The following SEMA6D variants were observed in gnomAD, a reference collection of about 807,000 sequenced individuals.
SEMA6D encodes semaphorin 6D.
Under a neutral mutation model 106.6 loss-of-function variants are expected in SEMA6D, and 35 were observed. The observed-to-expected ratio is 0.33, with a 90% CI of 0.25 to 0.44. The LOEUF is 0.44. Ranked by LOEUF, SEMA6D falls within the 20% of genes least tolerant of loss-of-function variation. The probability of loss-of-function intolerance (pLI) is 1.00; values close to 1 mark genes in which losing one functional copy is unlikely to be tolerated. For missense variants in SEMA6D, 1,185 were observed against 1,345.9 expected, an observed-to-expected ratio of 0.88 and a Z score of 1.87; for synonymous variants, 499 against 487.7, an observed-to-expected ratio of 1.02 and a Z score of -0.31.
intron 3 of SEMA6D, among the ~76,000 whole-genome samples, chr15:47,534,539 T>G (rs1385447892): frequency 6.6e-6 from 1 of 152,190 alleles, no homozygotes; most frequent in South Asian, 2.1e-4. Context: ...TAAAATAATT[T>G]TCATTTAAAA....
At chr15:47,657,084 T>G (rs2077812083) in intron 4 of SEMA6D, among the ~76,000 whole-genome samples, 1 of 152,214 alleles carries the variant, frequency 6.6e-6, no homozygotes, top group South Asian at 2.1e-4. Flanking sequence ...ATGCAATCTC[T>G]GTAGTGGATC....
chr15:47,759,962 C>T, intron 2 of SEMA6D, 55 bp downstream of exon 2: 1 of 1,303,752 alleles, frequency 7.7e-7, no homozygotes, highest in Non-Finnish European at 1.1e-6. Context: ...TTCTGTTTTT[C>T]ATTCTGTAAG....
At chr15:47,586,907 T>TTTTA (rs1555394431) in intron 3 of SEMA6D, among the ~76,000 whole-genome samples, 2 of 151,020 alleles carry the variant, frequency 1.3e-5, no homozygotes, top group African/African-American at 4.9e-5. Context: ...TTTTTTTTTT[T>TTTTA]ACAAGACCTG....
intron 4 of SEMA6D, among the ~76,000 whole-genome samples, chr15:47,622,394 G>A (rs910147926): frequency 2.0e-5 from 3 of 152,042 alleles, no homozygotes; most frequent in Non-Finnish European, 4.4e-5. Context: ...GCATGGAACC[G>A]GAGTATGCTA....
intron 4 of SEMA6D, among the ~76,000 whole-genome samples, chr15:47,638,060 A>G (rs1217570749): frequency 3.9e-5 from 6 of 152,198 alleles, no homozygotes; most frequent in Non-Finnish European, 8.8e-5. Context: ...AATTTGGTGC[A>G]GTAACTAGCT....
intron 1 of SEMA6D, among the ~76,000 whole-genome samples, chr15:47,344,209 T>C (rs1382221930): frequency 6.6e-6 from 1 of 152,150 alleles, no homozygotes; most frequent in Non-Finnish European, 1.5e-5. Flanking sequence ...CTTAAAATTA[T>C]TTTAAAAGGA....
intron 3 of SEMA6D, among the ~76,000 whole-genome samples, chr15:47,596,886 T>A (rs1056073650): frequency 2.0e-5 from 3 of 152,060 alleles, no homozygotes; most frequent in Admixed American, 6.6e-5. Context: ...ATTATTTTTT[T>A]AATTTGACCC....
At chr15:47,371,292 T>C (rs563430999) in intron 1 of SEMA6D, among the ~76,000 whole-genome samples, 10 of 151,986 alleles carry the variant, frequency 6.6e-5, no homozygotes, top group African/African-American at 2.4e-4. Flanking sequence ...GGATGACACA[T>C]GTTTAACTCC....
In SEMA6D at chr15:47,763,943, C is replaced by G; in HGVS notation, c.841C>G (p.Arg281Gly). Residue 281 changes from arginine to glycine, a missense_variant, in exon 10 of 19, where the codon CGG (arginine) becomes GGG (glycine). Arg to Gly is a moderately radical substitution (Grantham distance 125). Around this residue, in one of 3 missense-constraint regions of SEMA6D, gnomAD observed 291 missense variants for 423.8 expected, o/e 0.69. Coordinates refer to ENST00000536845, the MANE Select transcript of SEMA6D (RefSeq NM_001358351.3). ...ACACTGGACTTCATTTCTAAAGGCTCGGCTGAACTGTTCTGTCCCTGGAGA... is the reference window on the plus strand; with the variant it reads ...ACACTGGACTTCATTTCTAAAGGCTGGGCTGAACTGTTCTGTCCCTGGAGA... ...EKHWTSFLKA[R>G]LNCSVPGDSF... is the part of the protein sequence containing the mutation. 6.2e-7 allele frequency: 1 copy of G among 1,613,936 alleles called. No homozygotes were observed. The highest frequency in any genetic ancestry group is 2.2e-5 in the East Asian group (1 of 44,864).
At chr15:47,595,408 A>T (rs1416999882) in intron 3 of SEMA6D, among the ~76,000 whole-genome samples, 1 of 152,230 alleles carries the variant, frequency 6.6e-6, no homozygotes, top group Non-Finnish European at 1.5e-5. Context: ...CCATCGTTGC[A>T]TCCCTGGGAT....
intron 1 of SEMA6D, among the ~76,000 whole-genome samples, chr15:47,356,193 G>A (rs1044919712): frequency 6.6e-6 from 1 of 152,126 alleles, no homozygotes; most frequent in Non-Finnish European, 1.5e-5. Context: ...AAAAGAGATG[G>A]CAAGAGACAA....
At chr15:47,337,367 T>A (rs761933648) in intron 1 of SEMA6D, among the ~76,000 whole-genome samples, 2 of 152,190 alleles carry the variant, frequency 1.3e-5, no homozygotes, top group Non-Finnish European at 2.9e-5. Flanking sequence ...GCAGATTCCC[T>A]GGTGGAAAGG....
intron 1 of SEMA6D, among the ~76,000 whole-genome samples, chr15:47,197,537 A>C (rs1440103147): frequency 4.0e-5 from 6 of 151,742 alleles, no homozygotes; most frequent in Non-Finnish European, 8.8e-5. Context: ...ACCTAAGCTA[A>C]AGATTGAAAG....
intron 2 of SEMA6D, among the ~76,000 whole-genome samples, chr15:47,426,190 A>G (rs931664568): frequency 6.6e-6 from 1 of 152,056 alleles, no homozygotes; most frequent in Non-Finnish European, 1.5e-5. Flanking sequence ...ATGTTTTTAG[A>G]GATGAGATCT....
At chr15:47,674,036 CTCTCTT>C (rs1457181122) in intron 4 of SEMA6D, among the ~76,000 whole-genome samples, 2 of 152,276 alleles carry the variant, frequency 1.3e-5, no homozygotes, top group East Asian at 3.9e-4. Context: ...TCCCCGGACA[CTCTCTT>C]TCTATCTCTC....
At chr15:47,756,176 A>G (rs543517248) in intron 1 of SEMA6D, among the ~76,000 whole-genome samples, 56 of 152,296 alleles carry the variant, frequency 3.7e-4, no homozygotes, top group African/African-American at 1.3e-3. Flanking sequence ...AATGTTCTTT[A>G]CCCTAAGCTT....
intron 1 of SEMA6D, among the ~76,000 whole-genome samples, chr15:47,725,726 C>T (rs1421250730): frequency 6.6e-6 from 1 of 152,110 alleles, no homozygotes; most frequent in East Asian, 1.9e-4. Flanking sequence ...ACCAGAAGTT[C>T]TGTGTAGTAT....
chr15:47,555,606 G>T (rs1027962635), intron 3 of SEMA6D, among the ~76,000 whole-genome samples: 1 of 152,122 alleles, frequency 6.6e-6, no homozygotes, highest in Non-Finnish European at 1.5e-5. Context: ...GTGGTGGGGA[G>T]TCTCCTACAA....
intron 1 of SEMA6D, among the ~76,000 whole-genome samples, chr15:47,257,060 CTTT>C (rs531171004): frequency 8.0e-5 from 11 of 137,836 alleles, no homozygotes; most frequent in Admixed American, 1.4e-4. Context: ...GAACAGAATT[CTTT>C]TTTTTTTTTT....
Sources: allele counts gnomAD v4.1 joint callset (sites outside exome capture counted in the v4.1 genomes callset), GRCh38; gene constraint gnomAD v4.1.1; regional missense constraint gnomAD v4.1.1; transcripts MANE v1.5; gene names NCBI Gene and HGNC (gene_info 2026-07-23, HGNC 2026-07-21).